Variants in LAMA4 observed in about 807,000 individuals in gnomAD.
LAMA4 encodes the protein laminin subunit alpha-4.
Under a neutral mutation model 207.1 loss-of-function variants are expected in LAMA4, and 127 were observed. The ratio of observed to expected loss-of-function variants is 0.61; its 90% CI spans 0.53 to 0.71. The LOEUF (loss-of-function observed/expected upper bound fraction) is 0.71. Among genes scored for constraint, LAMA4 ranks in the 30% least tolerant of loss-of-function variants. The probability of loss-of-function intolerance (pLI) is 0.00; values close to 1 mark genes in which losing one functional copy is unlikely to be tolerated. For missense variants in LAMA4, 2,093 were observed against 2,246.5 expected (o/e 0.93, Z 1.38); for synonymous variants, 761 against 816.0 (o/e 0.93, Z 1.15).
intron 16 of LAMA4, among the ~76,000 whole-genome samples, chr6:112,150,849 T>G (rs1780357396): frequency 6.6e-6 from 1 of 152,174 alleles, no homozygotes; most frequent in South Asian, 2.1e-4. Context: ...TGACTTAGGA[T>G]GCCATCATGG....
intron 19 of LAMA4, among the ~76,000 whole-genome samples, chr6:112,142,605 G>A (rs546999303): frequency 1.3e-5 from 2 of 152,166 alleles, no homozygotes; most frequent in Non-Finnish European, 2.9e-5. Flanking sequence ...TGTCTGGTCA[G>A]TATACAATTC....
chr6:112,131,411 T>A (rs1554329738), intron 28 of LAMA4, among the ~76,000 whole-genome samples: 1 of 152,124 alleles, frequency 6.6e-6, no homozygotes, highest in African/African-American at 2.4e-5. Flanking sequence ...TCACTTTTAA[T>A]CCCTTCGAAT....
In LAMA4 at chr6:112,119,230, CAGT is replaced by C. The variant is rs782263238; in HGVS notation, c.4744_4746del (p.Thr1582del). 3.1e-6 allele frequency: 5 copies of C among 1,614,040 alleles called. No individual in the cohort carries two copies. The Admixed American group carries it at 5.0e-5, about 16-fold the overall frequency. On this transcript the variant is annotated inframe_deletion, in exon 34 of 39. Coordinates refer to ENST00000230538, the MANE Select transcript of LAMA4 (RefSeq NM_001105206.3). ...GGACCCTTGATTTTCCAGGTAGCTTCAGTAGGAGGAAGACTTTCTTCTAGGACT... is the reference window on the plus strand; with the variant it reads ...GGACCCTTGATTTTCCAGGTAGCTTCAGGAGGAAGACTTTCTTCTAGGACT...
chr6:112,216,160 G>A (rs1052789864), intron 3 of LAMA4, among the ~76,000 whole-genome samples: 6 of 152,238 alleles, frequency 3.9e-5, no homozygotes, highest in African/African-American at 1.2e-4. Flanking sequence ...CCGGGTGCAC[G>A]TGCACACTCA....
chr6:112,154,707 C>T, intron 16 of LAMA4, 144 bp downstream of exon 16: 1 of 674,270 alleles, frequency 1.5e-6, no homozygotes, highest in Non-Finnish European at 2.7e-6. Context: ...TCTTTTGTAA[C>T]TTGACTCTGA....
intron 2 of LAMA4, among the ~76,000 whole-genome samples, chr6:112,227,420 G>A (rs1335029713): frequency 1.3e-5 from 2 of 151,788 alleles, no homozygotes; most frequent in Non-Finnish European, 2.9e-5. Flanking sequence ...TCTCATGAAA[G>A]AATGAAAGAA....
chr6:112,246,520 CTTT>C (rs11364561), intron 2 of LAMA4, among the ~76,000 whole-genome samples: 12 of 127,804 alleles, frequency 9.4e-5, no homozygotes, highest in Non-Finnish European at 1.2e-4. Context: ...ATCAAAGCTG[CTTT>C]TTTTTTTTTT....
intron 30 of LAMA4, among the ~76,000 whole-genome samples, chr6:112,129,287 G>T (rs1217240259): frequency 1.3e-5 from 2 of 151,838 alleles, no homozygotes; most frequent in African/African-American, 4.8e-5. Flanking sequence ...CTATGTGCCT[G>T]GCATCACATA....
intron 2 of LAMA4, among the ~76,000 whole-genome samples, chr6:112,237,226 GA>G (rs1554366385): frequency 1.3e-5 from 2 of 152,176 alleles, no homozygotes; most frequent in East Asian, 3.9e-4. Flanking sequence ...ATTGTTTAAA[GA>G]TTTCTAGCTC....
At chr6:112,195,323 G>A (rs138517800) in intron 5 of LAMA4, among the ~76,000 whole-genome samples, 3 of 152,298 alleles carry the variant, frequency 2.0e-5, no homozygotes, top group Non-Finnish European at 2.9e-5. Context: ...CTAGGAAAAC[G>A]TATGTAACCT....
chr6:112,155,402 T>C, intron 15 of LAMA4, 163 bp downstream of exon 15: 1 of 716,306 alleles, frequency 1.4e-6, no homozygotes, highest in Non-Finnish European at 2.4e-6. Flanking sequence ...ATCTGCAGAC[T>C]GAAACCTTCA....
At chr6:112,187,188 A>G in intron 8 of LAMA4, 1 of 556,410 alleles carries the variant, frequency 1.8e-6, no homozygotes, top group Non-Finnish European at 3.2e-6. Flanking sequence ...TTGGGCATAG[A>G]TACTAGTCTT....
At position 112,200,193 on chromosome 6, in the gene LAMA4, A is replaced by T. The variant is rs782421175; in HGVS notation, c.503+1415T>A. 2.6e-5 allele frequency: 14 copies of T among 529,896 alleles called. No individual in the cohort carries two copies. In the Admixed American group the frequency reaches 2.8e-4, roughly 11 times the overall value. The allele number at this position is 529,896 out of a possible 1,614,324, so 32.8% of individuals were successfully genotyped here. On this transcript the variant is annotated intron_variant, in intron 5 of 38. Transcript: ENST00000230538. The stretch of plus-strand genomic sequence containing the variant: ...GAGAAGGCCTTTCTTACATGAGCAA[A>T]GCCCAGAGCAGTTTAGAAAAAGAGA...
chr6:112,122,954 G>C (rs142091502), intron 31 of LAMA4, among the ~76,000 whole-genome samples: 1,754 of 152,282 alleles, frequency 0.012, 102 homozygotes, highest in Admixed American at 0.1. Context: ...GCCTCCCGTG[G>C]GTGGCATGTA....
At position 112,130,968 on chromosome 6, in the gene LAMA4, C is replaced by G; in HGVS notation, c.3968G>C (p.Arg1323Thr). 1 of 1,612,910 alleles carries G rather than the reference C, an allele frequency of 6.2e-7. No individual in the cohort carries two copies. Among genetic ancestry groups the G allele is most frequent in the Non-Finnish European group, 8.5e-7 (1 of 1,179,102 alleles). The stretch of plus-strand genomic sequence containing the variant: ...AAGAATATGAAGTGAGGAGCTATAC[C>G]TTGTGGGTGAGACAGAGCTAATGAC... ...HFVISSVSPT[R>T]YELIVDKSRV... The change falls in exon 29 of 39, where the codon AGA (arginine) becomes ACA (threonine). Residue 1323 changes from arginine to threonine, a missense_variant and splice_region_variant. Around this residue, in one of 3 missense-constraint regions of LAMA4, gnomAD observed 1,704 missense variants for 1,788.4 expected, o/e 0.95. Coordinates refer to ENST00000230538, the MANE Select transcript of LAMA4 (RefSeq NM_001105206.3).
chr6:112,122,552 G>C (rs1296488130), intron 31 of LAMA4, among the ~76,000 whole-genome samples: 5 of 152,108 alleles, frequency 3.3e-5, no homozygotes, highest in Non-Finnish European at 7.4e-5. Context: ...AAATGACCCT[G>C]AATCAATCAA....
rs782325644 is a variant in LAMA4, at chr6:112,144,885, G to A, written c.2402C>T (p.Thr801Met). 1.9e-5 allele frequency: 31 copies of A among 1,613,790 alleles called. No individual in the cohort carries two copies. Among genetic ancestry groups the A allele is most frequent in the East Asian group, 4.5e-5 (2 of 44,876 alleles). Residue 801 changes from threonine to methionine, a missense_variant, in exon 19 of 39, where the codon ACG (threonine) becomes ATG (methionine). By Grantham distance (81) the Thr-to-Met change is moderately conservative (BLOSUM62 -1). Around this residue, in one of 3 missense-constraint regions of LAMA4, gnomAD observed 1,704 missense variants for 1,788.4 expected, o/e 0.95. Coordinates refer to ENST00000230538, the MANE Select transcript of LAMA4 (RefSeq NM_001105206.3). The part of the protein sequence containing the change: ...VVPQLLDQLR[T>M]VEQKRPASNV... ...GCTTGCAGGTCGCTTCTGCTCAACC[G>A]TACGAAGCTGATCCAGGAGCTGAGG...
chr6:112,115,815 A>C (rs781827112), intron 36 of LAMA4, 48 bp downstream of exon 36: 2 of 1,585,192 alleles, frequency 1.3e-6, no homozygotes, highest in Non-Finnish European at 1.7e-6. Flanking sequence ...TCAGATCTAG[A>C]ATCCAAGGTC....
intron 2 of LAMA4, among the ~76,000 whole-genome samples, chr6:112,239,576 T>TG (rs1302900537): frequency 2.6e-5 from 4 of 152,204 alleles, no homozygotes; most frequent in African/African-American, 9.6e-5. Context: ...AAGTGACTGC[T>TG]GCTACAGTCC....
Sources: gnomAD v4.1 joint callset for allele counts (sites outside exome capture counted in the v4.1 genomes callset) on GRCh38, gnomAD v4.1.1 for gene constraint, gnomAD v4.1.1 regional missense constraint, MANE v1.5 for transcripts, NCBI Gene and HGNC (gene_info 2026-07-23, HGNC 2026-07-21) for gene names.